The following DYNC1I2 variants were observed in gnomAD, a reference collection of about 807,000 sequenced individuals.
DYNC1I2 encodes cytoplasmic dynein 1 intermediate chain 2.
Under a neutral mutation model 88.6 loss-of-function variants are expected in DYNC1I2, and 53 were observed. That is an observed-to-expected ratio of 0.60 (90% CI 0.48 to 0.75). DYNC1I2 has a LOEUF of 0.75. DYNC1I2 is among the 30% of genes least tolerant of loss of function. DYNC1I2 has a pLI of 0.00. For synonymous variants in DYNC1I2, 198 were observed against 254.6 expected (o/e 0.78, Z 2.12); for missense variants, 458 against 766.6 (o/e 0.60, Z 4.75).
intron 1 of DYNC1I2, chr2:171,688,782 T>C (rs1310140956): frequency 6.6e-6 from 1 of 152,210 alleles, no homozygotes; most frequent in Non-Finnish European, 1.5e-5. Flanking sequence ...CTTGACTGAC[T>C]TACCTTTGTT....
chr2:171,732,940 G>A (rs1210352946), intron 15 of DYNC1I2, among the ~76,000 whole-genome samples: 2 of 152,078 alleles, frequency 1.3e-5, no homozygotes, highest in Admixed American at 1.3e-4. Flanking sequence ...GTATCACCCA[G>A]GTATTAAGCC....
intron 15 of DYNC1I2, among the ~76,000 whole-genome samples, chr2:171,739,707 T>C (rs1689276166): frequency 7.7e-6 from 1 of 129,498 alleles, no homozygotes; most frequent in African/African-American, 2.8e-5. Flanking sequence ...TTTTTTTTTT[T>C]TTTTTTTTTT....
intron 14 of DYNC1I2, among the ~76,000 whole-genome samples, chr2:171,729,128 A>G (rs140683947): frequency 2.6e-5 from 4 of 152,330 alleles, no homozygotes; most frequent in Non-Finnish European, 4.4e-5. Context: ...TACAAATACA[A>G]TATGCACATG....
intron 6 of DYNC1I2, among the ~76,000 whole-genome samples, chr2:171,713,909 G>A (rs950173): frequency 0.076 from 11,569 of 152,144 alleles, 550 homozygotes; most frequent in South Asian, 0.13. Context: ...TTGGATAAGT[G>A]AGGTATTACT....
rs780419839 is a variant in DYNC1I2 at position 171,690,124 on chromosome 2, CATA to C, written c.-9-20_-9-18del. On this transcript the variant is annotated intron_variant, in intron 1 of 17. Transcript: ENST00000397119. ...TTTTCAACTGTGCTGCTTTTACTAA[CATA>C]ATGATTATATGTTTCTAAGGTCACA... 2.8e-6 allele frequency: 4 copies of C among 1,438,300 alleles called. No homozygotes were observed. Among genetic ancestry groups the C allele is most frequent in the Non-Finnish European group, 2.8e-6 (3 of 1,062,562 alleles). The allele number at this position is 1,438,300 out of a possible 1,614,324, so 89.1% of individuals were successfully genotyped here. A position where few individuals can be genotyped will look rare whatever the true frequency, so the allele number is the denominator to read the frequency against.
chr2:171,706,655 C>T (rs1686700039), intron 4 of DYNC1I2, 91 bp downstream of exon 4: 2 of 1,237,138 alleles, frequency 1.6e-6, no homozygotes, highest in African/African-American at 1.5e-5. Context: ...GTTTTATTGC[C>T]TGTTTGCATT....
chr2:171,710,847 T>A (rs1264112180), intron 5 of DYNC1I2, among the ~76,000 whole-genome samples: 2 of 151,638 alleles, frequency 1.3e-5, no homozygotes, highest in Non-Finnish European at 2.9e-5. Context: ...GGATTGCAGG[T>A]GTGTGTCACC....
chr2:171,734,937 GT>G, intron 15 of DYNC1I2, among the ~76,000 whole-genome samples: 1 of 152,258 alleles, frequency 6.6e-6, no homozygotes, highest in East Asian at 1.9e-4. Flanking sequence ...TAAACACCTT[GT>G]TCCAATTTCA....
At chr2:171,692,717 T>G in intron 2 of DYNC1I2, 60 bp from the exon 3 acceptor site, 2 of 1,239,374 alleles carry the variant, frequency 1.6e-6, no homozygotes, top group Non-Finnish European at 2.3e-6. Flanking sequence ...TTTAAAACAT[T>G]TTTGCAAACA....
chr2:171,708,182 T>C (rs1011663966), intron 5 of DYNC1I2, among the ~76,000 whole-genome samples: 1 of 152,128 alleles, frequency 6.6e-6, no homozygotes, highest in African/African-American at 2.4e-5. Flanking sequence ...GAATGCTTAT[T>C]TTGGGCCAGG....
At chr2:171,699,624 G>GTA (rs1686061976) in intron 3 of DYNC1I2, among the ~76,000 whole-genome samples, 1 of 151,432 alleles carries the variant, frequency 6.6e-6, no homozygotes, top group Non-Finnish European at 1.5e-5. Context: ...GTGTGTGTGT[G>GTA]TGTGTGTGTG....
chr2:171,736,202 A>G (rs1463884511), intron 15 of DYNC1I2, among the ~76,000 whole-genome samples: 2 of 152,200 alleles, frequency 1.3e-5, no homozygotes, highest in African/African-American at 2.4e-5. Flanking sequence ...CTGCCTATTC[A>G]TCTGGACCGA....
intron 2 of DYNC1I2, among the ~76,000 whole-genome samples, chr2:171,690,967 A>G (rs1685364030): frequency 6.6e-6 from 1 of 152,144 alleles, no homozygotes; most frequent in Non-Finnish European, 1.5e-5. Context: ...AGATGTCTAT[A>G]TTATAATAAC....
intron 3 of DYNC1I2, among the ~76,000 whole-genome samples, chr2:171,697,940 T>C (rs1685910662): frequency 6.6e-6 from 1 of 152,228 alleles, no homozygotes. Context: ...TCATAAGTGA[T>C]GTTGTGTCCT....
chr2:171,709,051 T>C (rs1047367648), intron 5 of DYNC1I2, among the ~76,000 whole-genome samples: 17 of 152,220 alleles, frequency 1.1e-4, no homozygotes, highest in Admixed American at 4.6e-4. Flanking sequence ...CGTTTTTTTT[T>C]CCCTTCTACA....
intron 11 of DYNC1I2, 105 bp downstream of exon 11, chr2:171,727,021 T>G (rs1688301853): frequency 7.6e-7 from 1 of 1,307,276 alleles, no homozygotes; most frequent in Non-Finnish European, 1.0e-6. Context: ...TTTCATTGGA[T>G]TGGCATTTTA....
chr2:171,737,874 C>CGGGGGT (rs537087817), intron 15 of DYNC1I2, among the ~76,000 whole-genome samples: 1 of 151,724 alleles, frequency 6.6e-6, no homozygotes, highest in Non-Finnish European at 1.5e-5. Flanking sequence ...AATCATGTCA[C>CGGGGGT]GGGGGTTTGT....
At chr2:171,717,982 A>T (rs1375780597) in intron 7 of DYNC1I2, among the ~76,000 whole-genome samples, 4 of 144,936 alleles carry the variant, frequency 2.8e-5, no homozygotes, top group African/African-American at 5.1e-5. Context: ...TTTTTGACAG[A>T]GTCTCTCTTT....
chr2:171,723,910 A>G (rs960885701), intron 7 of DYNC1I2, among the ~76,000 whole-genome samples: 1 of 152,156 alleles, frequency 6.6e-6, no homozygotes, highest in African/African-American at 2.4e-5. Context: ...TGGCAGGTTG[A>G]TTGCTCTGGC....
Sources: gnomAD v4.1 joint callset for allele counts (sites outside exome capture counted in the v4.1 genomes callset) on GRCh38, gnomAD v4.1.1 for gene constraint, MANE v1.5 for transcripts, NCBI Gene and HGNC (gene_info 2026-07-23, HGNC 2026-07-21) for gene names.